The following KDM4C variants were observed in gnomAD, a reference collection of about 807,000 sequenced individuals.
KDM4C encodes lysine demethylase 4C, also known as lysine-specific demethylase 4C.
A neutral mutation model predicts 129.3 loss-of-function variants in KDM4C; 81 were observed. The ratio of observed to expected loss-of-function variants is 0.63; its 90% CI spans 0.52 to 0.75. The LOEUF (loss-of-function observed/expected upper bound fraction) is 0.75. Among genes scored for constraint, KDM4C ranks in the 30% least tolerant of loss-of-function variants. The pLI, the probability that KDM4C is intolerant of heterozygous loss-of-function variation, is 0.00. For synonymous variants in KDM4C, 573 were observed against 456.1 expected (o/e 1.26, Z -3.26); for missense variants, 1,457 against 1,304.0 (o/e 1.12, Z -1.81).
intron 5 of KDM4C, among the ~76,000 whole-genome samples, chr9:6,851,205 C>CT (rs1460357224): frequency 6.6e-6 from 1 of 152,102 alleles, no homozygotes; most frequent in African/African-American, 2.4e-5. Flanking sequence ...TGCTGACCTC[C>CT]TGGGCTCAAG....
chr9:6,856,513 G>C (rs1396210371), intron 5 of KDM4C, among the ~76,000 whole-genome samples: 1 of 148,468 alleles, frequency 6.7e-6, no homozygotes, highest in Admixed American at 6.7e-5. Context: ...TTATTGATTA[G>C]TTTTAGGCAT....
At chr9:7,087,355 A>C (rs55787411) in intron 17 of KDM4C, among the ~76,000 whole-genome samples, 1 of 151,982 alleles carries the variant, frequency 6.6e-6, no homozygotes, top group East Asian at 1.9e-4. Flanking sequence ...ACATACATTC[A>C]TAAAATAATT....
chr9:7,069,517 G>GCAAAA (rs1163613005), intron 17 of KDM4C, among the ~76,000 whole-genome samples: 3 of 152,072 alleles, frequency 2.0e-5, no homozygotes, highest in African/African-American at 7.2e-5. Context: ...GTTTCTAAAA[G>GCAAAA]CAAAACAAAA....
chr9:6,819,451 G>C (rs1832658593), intron 4 of KDM4C, among the ~76,000 whole-genome samples: 1 of 152,220 alleles, frequency 6.6e-6, no homozygotes, highest in African/African-American at 2.4e-5. Context: ...ACAGGTTTTA[G>C]AGCTGGGAAT....
rs752790443 is a variant in KDM4C at position 6,814,656 on chromosome 9, T to G, written c.346T>G (p.Tyr116Asp). 6.2e-7 allele frequency: 1 copy of G among 1,605,996 alleles called. No individual in the cohort carries two copies. Among genetic ancestry groups the G allele is most frequent in the East Asian group, 2.2e-5 (1 of 44,498 alleles). Residue 116 changes from tyrosine to aspartate, a missense_variant, in exon 4 of 22, where the codon TAC becomes GAC. Coordinates refer to ENST00000381309, the MANE Select transcript of KDM4C (RefSeq NM_015061.6). ...GKYCTPRYLD[Y>D]EDLERKYWKN... ...ATATTGTACTCCAAGATACTTGGAT[T>G]ACGAAGATTTGGAGCGCAAGTACTG...
At position 7,156,499 on chromosome 9, in the gene KDM4C, A is replaced by G. The variant is rs538483911; in HGVS notation, c.2782-8739A>G. Among the ~76,000 whole-genome samples, 3 of 152,310 alleles carry G rather than the reference A, an allele frequency of 2.0e-5. No homozygotes were observed. The South Asian group carries it at 6.2e-4, about 32-fold the overall frequency. On this transcript the variant is annotated intron_variant, in intron 19 of 21. Coordinates refer to ENST00000381309, the MANE Select transcript of KDM4C (RefSeq NM_015061.6). ...TTTATGGTTTTAGGTCTAACATTTA[A>G]GTCTTAATCCATCTTGAGTTAATTT...
intron 17 of KDM4C, among the ~76,000 whole-genome samples, chr9:7,068,205 C>G (rs1832707705): frequency 6.6e-6 from 1 of 152,270 alleles, no homozygotes; most frequent in Non-Finnish European, 1.5e-5. Flanking sequence ...GTCTGATATG[C>G]TGACACATAT....
intron 18 of KDM4C, among the ~76,000 whole-genome samples, chr9:7,108,041 C>T (rs926093597): frequency 2.6e-5 from 4 of 152,120 alleles, no homozygotes; most frequent in African/African-American, 7.2e-5. Context: ...CACATATGCA[C>T]CTTATTCAGA....
At chr9:6,795,169 A>G (rs575732308) in intron 2 of KDM4C, among the ~76,000 whole-genome samples, 2 of 152,188 alleles carry the variant, frequency 1.3e-5, no homozygotes, top group South Asian at 2.1e-4. Context: ...GTCAGATAGC[A>G]TGGAAAACAG....
At chr9:6,818,684 C>T (rs1201264567) in intron 4 of KDM4C, among the ~76,000 whole-genome samples, 2 of 152,148 alleles carry the variant, frequency 1.3e-5, no homozygotes, top group East Asian at 1.9e-4. Flanking sequence ...AGCTTCTGTG[C>T]GATTTCCATT....
chr9:7,126,506 A>G (rs1475659271), intron 18 of KDM4C, among the ~76,000 whole-genome samples: 1 of 152,240 alleles, frequency 6.6e-6, no homozygotes, highest in African/African-American at 2.4e-5. Context: ...AGATACAAAT[A>G]TGGAATAGAG....
At chr9:6,986,813 CTG>C (rs1161260937) in intron 11 of KDM4C, 147 bp downstream of exon 11, 4 of 601,150 alleles carry the variant, frequency 6.7e-6, no homozygotes, top group Non-Finnish European at 1.1e-5. Context: ...CATTCAATAA[CTG>C]GGAGGTAAGC....
At chr9:7,149,501 C>A (rs1842534657) in intron 19 of KDM4C, among the ~76,000 whole-genome samples, 3 of 152,224 alleles carry the variant, frequency 2.0e-5, no homozygotes, top group South Asian at 4.1e-4. Flanking sequence ...CACGGGGCTC[C>A]CACTGGGATC....
chr9:6,760,540 TTTTTTA>T (rs1340229187), intron 1 of KDM4C, among the ~76,000 whole-genome samples: 40 of 144,566 alleles, frequency 2.8e-4, no homozygotes, highest in African/African-American at 1.0e-3. Context: ...GGTGATACTC[TTTTTTA>T]TTTATTTATT....
chr9:7,100,763 TTTTTC>T (rs149393177), intron 17 of KDM4C, among the ~76,000 whole-genome samples: 29 of 152,220 alleles, frequency 1.9e-4, no homozygotes, highest in East Asian at 1.7e-3. Context: ...TTTTCTTTCT[TTTTTC>T]TTTTCTTTTC....
chr9:6,915,157 G>C (rs1820074426), intron 8 of KDM4C, among the ~76,000 whole-genome samples: 1 of 152,124 alleles, frequency 6.6e-6, no homozygotes, highest in Non-Finnish European at 1.5e-5. Flanking sequence ...CTACTTCAAA[G>C]ATACTTTATT....
In KDM4C at chr9:6,908,470, C is replaced by G. The variant is rs571315524; in HGVS notation, c.921+15238C>G. On this transcript the variant is annotated intron_variant, in intron 8 of 21. Transcript: ENST00000381309. ...AGGTCCCCCACCACTCATTCTTTCACTGAGAGAATGAGGCTTGAGTGGGGC... is the reference window on the plus strand; with the variant it reads ...AGGTCCCCCACCACTCATTCTTTCAGTGAGAGAATGAGGCTTGAGTGGGGC... Among the ~76,000 whole-genome samples, 3 of 152,282 alleles carry G rather than the reference C, an allele frequency of 2.0e-5. No individual in the cohort carries two copies. In the South Asian group the frequency reaches 6.2e-4, roughly 32 times the overall value.
chr9:6,917,230 A>G (rs1407664433), intron 8 of KDM4C, among the ~76,000 whole-genome samples: 1 of 152,114 alleles, frequency 6.6e-6, no homozygotes, highest in Non-Finnish European at 1.5e-5. Context: ...TGAGCACCAT[A>G]TAGGTATCCA....
At chr9:6,802,722 T>C (rs1378225182) in intron 2 of KDM4C, among the ~76,000 whole-genome samples, 1 of 152,190 alleles carries the variant, frequency 6.6e-6, no homozygotes, top group Non-Finnish European at 1.5e-5. Context: ...TTCACCTGCC[T>C]CAGCCTCCGG....
Sources: gnomAD v4.1 joint callset for allele counts (sites outside exome capture counted in the v4.1 genomes callset) on GRCh38, gnomAD v4.1.1 for gene constraint, MANE v1.5 for transcripts, NCBI Gene and HGNC (gene_info 2026-07-23, HGNC 2026-07-21) for gene names.